The following EXOC4 variants were observed in gnomAD, a reference collection of about 807,000 sequenced individuals.
The protein encoded by EXOC4 is exocyst complex component 4.
Under a neutral mutation model 107.2 loss-of-function variants are expected in EXOC4, and 71 were observed. That is an observed-to-expected ratio of 0.66 (90% CI 0.55 to 0.81). EXOC4 has a LOEUF of 0.81. Ranked by LOEUF, EXOC4 falls within the 30% of genes least tolerant of loss-of-function variation. The pLI is 0.00. For synonymous variants in EXOC4, 456 were observed against 441.2 expected, an observed-to-expected ratio of 1.03 and a Z score of -0.42; for missense variants, 1,108 against 1,189.6, an observed-to-expected ratio of 0.93 and a Z score of 1.01.
chr7:133,844,249 C>G (rs1023800886), intron 11 of EXOC4, among the ~76,000 whole-genome samples: 1 of 152,008 alleles, frequency 6.6e-6, no homozygotes, highest in Non-Finnish European at 1.5e-5. Flanking sequence ...CTTTATACAT[C>G]TGGTAGAATT....
At chr7:134,004,453 A>G (rs2116325461) in intron 15 of EXOC4, among the ~76,000 whole-genome samples, 1 of 152,318 alleles carries the variant, frequency 6.6e-6, no homozygotes, top group East Asian at 1.9e-4. Context: ...AAGCCAAAGT[A>G]GTCTCCTTAC....
At chr7:133,585,986 C>T (rs1268506252) in intron 9 of EXOC4, among the ~76,000 whole-genome samples, 2 of 152,128 alleles carry the variant, frequency 1.3e-5, no homozygotes, top group East Asian at 3.9e-4. Context: ...TGAACCACCA[C>T]AGCTGGTCTA....
At chr7:133,677,702 A>C (rs1479228887) in intron 10 of EXOC4, among the ~76,000 whole-genome samples, 1 of 152,238 alleles carries the variant, frequency 6.6e-6, no homozygotes, top group East Asian at 1.9e-4. Flanking sequence ...GTAAGAGCTT[A>C]TCTCTACTTT....
chr7:133,982,183 C>T (rs1341521952), intron 14 of EXOC4, among the ~76,000 whole-genome samples: 1 of 152,156 alleles, frequency 6.6e-6, no homozygotes, highest in African/African-American at 2.4e-5. Context: ...ATCTGTACAA[C>T]AAACCCCCAT....
At chr7:134,050,411 C>G (rs1795757195) in intron 17 of EXOC4, among the ~76,000 whole-genome samples, 1 of 152,042 alleles carries the variant, frequency 6.6e-6, no homozygotes, top group Non-Finnish European at 1.5e-5. Context: ...AATAACTTTC[C>G]CAAGTTCACA....
At chr7:133,314,727 A>G (rs1364157523) in intron 4 of EXOC4, among the ~76,000 whole-genome samples, 1 of 152,192 alleles carries the variant, frequency 6.6e-6, no homozygotes, top group Non-Finnish European at 1.5e-5. Context: ...TTTCATCATT[A>G]GGTGTGGCAG....
intron 13 of EXOC4, among the ~76,000 whole-genome samples, chr7:133,918,276 G>A (rs1371589445): frequency 6.6e-5 from 10 of 152,132 alleles, no homozygotes; most frequent in South Asian, 6.2e-4. Flanking sequence ...CACCACACCC[G>A]GCCTAAAATA....
At chr7:133,352,190 C>T (rs966587120) in intron 5 of EXOC4, among the ~76,000 whole-genome samples, 2 of 151,774 alleles carry the variant, frequency 1.3e-5, no homozygotes, top group African/African-American at 4.8e-5. Context: ...TCTGTTAGAT[C>T]TAGTTGGTTG....
chr7:133,609,868 A>G (rs977586408), intron 9 of EXOC4, among the ~76,000 whole-genome samples: 1 of 152,234 alleles, frequency 6.6e-6, no homozygotes, highest in Non-Finnish European at 1.5e-5. Flanking sequence ...AGCAAATGCT[A>G]CAACAGGACT....
chr7:133,949,067 A>T (rs1056301499), intron 14 of EXOC4, among the ~76,000 whole-genome samples: 7 of 152,192 alleles, frequency 4.6e-5, no homozygotes, highest in Admixed American at 2.0e-4. Context: ...AGTGGAGAAA[A>T]GTGAGCTTAA....
intron 5 of EXOC4, among the ~76,000 whole-genome samples, chr7:133,325,349 T>C (rs1034465795): frequency 6.6e-6 from 1 of 152,240 alleles, no homozygotes; most frequent in Non-Finnish European, 1.5e-5. Context: ...CAGCTGGTAC[T>C]GGTTGTTCCT....
intron 9 of EXOC4, among the ~76,000 whole-genome samples, chr7:133,586,681 G>A (rs536335323): frequency 2.0e-4 from 30 of 152,252 alleles, no homozygotes; most frequent in African/African-American, 7.0e-4. Flanking sequence ...AATGGGAAAG[G>A]CCTCTCAGAA....
intron 9 of EXOC4, among the ~76,000 whole-genome samples, chr7:133,498,489 G>A (rs1465414128): frequency 2.6e-5 from 4 of 152,184 alleles, no homozygotes; most frequent in African/African-American, 4.8e-5. Flanking sequence ...GGAGGCTGAG[G>A]CAGGAGAGTG....
chr7:133,504,166 C>T (rs1799626424), intron 9 of EXOC4, among the ~76,000 whole-genome samples: 1 of 152,008 alleles, frequency 6.6e-6, no homozygotes, highest in Non-Finnish European at 1.5e-5. Flanking sequence ...GAATGAAATA[C>T]ATCTAACCTA....
chr7:134,081,490 TC>T, the EXOC4 span, among the ~76,000 whole-genome samples: 3 of 152,248 alleles, frequency 2.0e-5, no homozygotes, highest in Non-Finnish European at 4.4e-5. Context: ...TTGTTTGTCT[TC>T]CCCAACTAAA....
chr7:133,337,558 A>G (rs1432331924), intron 5 of EXOC4, among the ~76,000 whole-genome samples: 1 of 150,728 alleles, frequency 6.6e-6, no homozygotes, highest in East Asian at 1.9e-4. Context: ...GAGATCTACA[A>G]AGCATTTTCT....
At chr7:134,063,543 A>G (rs1796116785) in intron 17 of EXOC4, among the ~76,000 whole-genome samples, 1 of 152,142 alleles carries the variant, frequency 6.6e-6, no homozygotes, top group Admixed American at 6.6e-5. Context: ...AGGGAGGTGT[A>G]GCCCCTGGGT....
At chr7:133,977,145 T>C (rs1793855811) in intron 14 of EXOC4, among the ~76,000 whole-genome samples, 1 of 152,222 alleles carries the variant, frequency 6.6e-6, no homozygotes, top group African/African-American at 2.4e-5. Context: ...TACAGAATAA[T>C]TGAAAGCAGC....
chr7:133,642,324 C>G (rs912525833), intron 10 of EXOC4, among the ~76,000 whole-genome samples: 6 of 152,102 alleles, frequency 3.9e-5, no homozygotes, highest in Non-Finnish European at 7.4e-5. Flanking sequence ...TAAATTTCTT[C>G]CAGTTTCCTT....
Sources: gnomAD v4.1 joint callset for allele counts (sites outside exome capture counted in the v4.1 genomes callset) on GRCh38, gnomAD v4.1.1 for gene constraint, MANE v1.5 for transcripts, NCBI Gene and HGNC (gene_info 2026-07-23, HGNC 2026-07-21) for gene names.